EGFLAM: variants seen among roughly 807,000 people sequenced by gnomAD.
EGFLAM encodes the protein pikachurin.
Under a neutral mutation model 113.1 loss-of-function variants are expected in EGFLAM, and 79 were observed. The ratio of observed to expected loss-of-function variants is 0.70; its 90% CI spans 0.58 to 0.84. The LOEUF (loss-of-function observed/expected upper bound fraction) is 0.84, where lower values mean the gene tolerates loss of function less well. Among genes scored for constraint, EGFLAM ranks in the 40% least tolerant of loss-of-function variants. The pLI, the probability that EGFLAM is intolerant of heterozygous loss-of-function variation, is 0.00. For synonymous variants in EGFLAM, 504 were observed against 487.6 expected, an observed-to-expected ratio of 1.03 and a Z score of -0.44; for missense variants, 1,265 against 1,291.6, an observed-to-expected ratio of 0.98 and a Z score of 0.32.
intron 1 of EGFLAM, among the ~76,000 whole-genome samples, chr5:38,283,072 A>G (rs868762729): frequency 6.6e-6 from 1 of 152,238 alleles, no homozygotes; most frequent in South Asian, 2.1e-4. Context: ...TCAGAGCTCA[A>G]GTGATCTGCC....
In EGFLAM at chr5:38,462,940, A is replaced by G. The variant is rs146515851; in HGVS notation, c.2804A>G (p.Asp935Gly). ...DGQSGKITVD[D>G]YGARTGKSPG... ...CAGTCAGGAAAGATAACCGTGGATG[A>G]CTATGGAGCCAGAACAGGCAAATCC... The change falls in exon 21 of 22, where the codon GAC becomes GGC. Residue 935 changes from aspartate (D) to glycine (G), a missense_variant. Asp to Gly is a moderately conservative substitution (Grantham distance 94). Transcript: ENST00000322350. 1.9e-4 allele frequency: 301 copies of G among 1,614,058 alleles called. No homozygotes were observed. Among genetic ancestry groups the G allele is most frequent in the Non-Finnish European group, 2.4e-4 (279 of 1,180,048 alleles).
intron 15 of EGFLAM, 64 bp from the exon 16 acceptor site, chr5:38,435,073 C>T (rs1014060054): frequency 2.1e-6 from 3 of 1,398,702 alleles, no homozygotes; most frequent in East Asian, 2.3e-5. Flanking sequence ...ACTGAAGACA[C>T]ATTTGATCAT....
chr5:38,379,856 A>G (rs1036840556), intron 6 of EGFLAM, among the ~76,000 whole-genome samples: 3 of 151,742 alleles, frequency 2.0e-5, no homozygotes, highest in African/African-American at 7.3e-5. Context: ...GAAAAGCTCT[A>G]GAGTTACAGT....
chr5:38,394,598 ACGGGGTTTCACCGTGTTAGC>A (rs377306888), intron 6 of EGFLAM, among the ~76,000 whole-genome samples: 7 of 150,706 alleles, frequency 4.6e-5, no homozygotes, highest in African/African-American at 1.7e-4. Flanking sequence ...TTTAGTAGAG[ACGGGGTTTCACCGTGTTAGC>A]CAGGATGGTC....
At chr5:38,285,497 AG>A (rs1217143972) in intron 1 of EGFLAM, among the ~76,000 whole-genome samples, 1 of 152,156 alleles carries the variant, frequency 6.6e-6, no homozygotes, top group African/African-American at 2.4e-5. Flanking sequence ...GTGATGCACC[AG>A]GGCCATACAG....
chr5:38,308,941 G>C lies in EGFLAM; in HGVS notation c.98-28579G>C, dbSNP rs1758795832. On this transcript the variant is annotated intron_variant, in intron 1 of 21. Transcript: ENST00000322350. ...TGACTAGCTAGGAATCTGAAATGTT[G>C]TGTTGGTAGCTGTATAGAATTAGGA... Among the ~76,000 whole-genome samples, 4 of 152,182 alleles carry C rather than the reference G, an allele frequency of 2.6e-5. No individual in the cohort carries two copies. In the South Asian group the frequency reaches 8.3e-4, roughly 32 times the overall value.
intron 4 of EGFLAM, among the ~76,000 whole-genome samples, chr5:38,351,840 A>T (rs1281579446): frequency 6.6e-6 from 1 of 152,098 alleles, no homozygotes; most frequent in Non-Finnish European, 1.5e-5. Context: ...TGCTATTAGG[A>T]GTTGAGAATG....
chr5:38,395,600 G>A lies in EGFLAM; in HGVS notation c.713-10526G>A, dbSNP rs115809014. ...CTAAAGGAGAATTGAACCATGGTTG[G>A]TACTCAAATGTGAAGCCACTTTAAG... is the stretch of plus-strand genomic sequence containing the variant. On this transcript the variant is annotated intron_variant, in intron 6 of 21. Transcript: ENST00000322350. 2.6e-3 allele frequency among the ~76,000 whole-genome samples: 396 copies of A among 152,214 alleles called. 2 individuals carry two copies. The highest frequency in any genetic ancestry group is 8.8e-3 in the African/African-American group (367 of 41,532).
chr5:38,449,887 A>T (rs1742855652), intron 18 of EGFLAM, among the ~76,000 whole-genome samples: 1 of 152,166 alleles, frequency 6.6e-6, no homozygotes, highest in African/African-American at 2.4e-5. Flanking sequence ...ATTAATTAAG[A>T]GAAGCAGCTG....
chr5:38,419,796 G>A, intron 12 of EGFLAM, among the ~76,000 whole-genome samples: 1 of 152,178 alleles, frequency 6.6e-6, no homozygotes, highest in East Asian at 1.9e-4. Flanking sequence ...GGGAGGCTGA[G>A]GCAGGCAGAT....
intron 6 of EGFLAM, among the ~76,000 whole-genome samples, chr5:38,374,394 T>C (rs1740309837): frequency 6.6e-6 from 1 of 151,974 alleles, no homozygotes; most frequent in Admixed American, 6.6e-5. Flanking sequence ...GCTTGGGAAA[T>C]GTGGAGTGCT....
At chr5:38,432,762 C>T (rs2561811) in intron 15 of EGFLAM, among the ~76,000 whole-genome samples, 8,207 of 152,216 alleles carry the variant, frequency 0.054, 701 homozygotes, top group African/African-American at 0.18. Flanking sequence ...GGGCAAGGTC[C>T]ATGATTATAA....
chr5:38,337,303 T>C (rs1413755387), intron 1 of EGFLAM, among the ~76,000 whole-genome samples: 2 of 152,220 alleles, frequency 1.3e-5, no homozygotes, highest in East Asian at 3.8e-4. Flanking sequence ...GGGCAATAGT[T>C]GGACTGATTT....
At chr5:38,346,256 G>C (rs1238031780) in intron 3 of EGFLAM, among the ~76,000 whole-genome samples, 1 of 152,120 alleles carries the variant, frequency 6.6e-6, no homozygotes, top group East Asian at 1.9e-4. Context: ...TAACTTCCAT[G>C]GTCGTAAAGT....
chr5:38,266,009 C>T (rs1014511926), intron 1 of EGFLAM, among the ~76,000 whole-genome samples: 7 of 152,204 alleles, frequency 4.6e-5, no homozygotes, highest in African/African-American at 1.7e-4. Flanking sequence ...TGACTGCTGA[C>T]GACAACATGT....
At chr5:38,394,888 T>C (rs1229125253) in intron 6 of EGFLAM, among the ~76,000 whole-genome samples, 1 of 152,182 alleles carries the variant, frequency 6.6e-6, no homozygotes, top group Non-Finnish European at 1.5e-5. Flanking sequence ...TATGATCATG[T>C]CTTTGTTTCA....
chr5:38,258,559 A>C lies in EGFLAM; in HGVS notation c.-196A>C. The C allele has an allele frequency of 1.7e-6, 1 of 599,164 alleles. No homozygotes were observed. The highest frequency in any genetic ancestry group is 3.1e-5 in the East Asian group (1 of 31,912). The allele number at this position is 599,164 out of a possible 1,614,324, so 37.1% of individuals were successfully genotyped here. ...AGCCCTGCAGCTTGCAGCCGGCTTC[A>C]CTCGCGCACGCCGACCTCCCGGCTG... On this transcript the variant is annotated 5_prime_UTR_variant, in exon 1 of 22. Transcript: ENST00000322350.
At chr5:38,403,260 C>G (rs1741174181) in intron 6 of EGFLAM, 1 of 154,660 alleles carries the variant, frequency 6.5e-6, no homozygotes, top group Non-Finnish European at 1.4e-5. Flanking sequence ...ATACTGAACC[C>G]TATATATGCA....
At chr5:38,327,113 C>T (rs761379503) in intron 1 of EGFLAM, among the ~76,000 whole-genome samples, 12 of 152,104 alleles carry the variant, frequency 7.9e-5, no homozygotes, top group East Asian at 1.9e-4. Flanking sequence ...GGGTATTTTA[C>T]GCGGGTATAT....
Sources: allele counts gnomAD v4.1 joint callset (sites outside exome capture counted in the v4.1 genomes callset), GRCh38; gene constraint gnomAD v4.1.1; transcripts MANE v1.5; gene names NCBI Gene and HGNC (gene_info 2026-07-23, HGNC 2026-07-21).